Variants in ATP10B observed in about 807,000 individuals in gnomAD.
ATP10B encodes phospholipid-transporting ATPase VB.
In ATP10B, 122 loss-of-function variants were observed where a neutral mutation model predicts 141.2. The ratio of observed to expected loss-of-function variants is 0.86; its 90% CI spans 0.75 to 1.00. The LOEUF (loss-of-function observed/expected upper bound fraction) is 1.00, where lower values mean the gene tolerates loss of function less well. Among genes scored for constraint, ATP10B ranks in the 50% least tolerant of loss-of-function variants. The pLI is 0.00. For missense variants in ATP10B, 1,876 were observed against 1,825.3 expected, an observed-to-expected ratio of 1.03 and a Z score of -0.51; for synonymous variants, 685 against 692.0, an observed-to-expected ratio of 0.99 and a Z score of 0.16.
intron 3 of ATP10B, among the ~76,000 whole-genome samples, chr5:160,706,000 T>C (rs1256411672): frequency 1.3e-5 from 2 of 152,156 alleles, no homozygotes; most frequent in Non-Finnish European, 2.9e-5. Flanking sequence ...TCTCAGGGAA[T>C]AAGGAGGCCC....
chr5:160,809,944 T>A (rs1410668114), intron 1 of ATP10B, among the ~76,000 whole-genome samples: 1 of 152,194 alleles, frequency 6.6e-6, no homozygotes, highest in Non-Finnish European at 1.5e-5. Context: ...TTTTCTTGAA[T>A]CAAATGTGAT....
At chr5:160,830,229 T>C (rs1212187319) in intron 1 of ATP10B, among the ~76,000 whole-genome samples, 1 of 152,180 alleles carries the variant, frequency 6.6e-6, no homozygotes. Context: ...GTTTATGTGG[T>C]GAATCATATT....
At position 160,670,577 on chromosome 5, in the gene ATP10B, G is replaced by A; in HGVS notation, c.561C>T (p.Asp187=). 1.9e-6 allele frequency: 3 copies of A among 1,613,976 alleles called. No individual in the cohort carries two copies. In the African/African-American group the frequency reaches 4.0e-5, roughly 22 times the overall value. ...GGTCAGAGGAAAAAAGGAGGAGTAT[G>A]TCTGCTGGGACAATCTCATTGCATT... is the stretch of plus-strand genomic sequence containing the variant. The part of the protein sequence containing the change: ...QMKCNEIVPA[D]ILLLFSSDPN... The change falls in exon 7 of 26, where the codon GAC becomes GAT. Residue 187 remains aspartate, a synonymous_variant. Coordinates refer to ENST00000327245, the MANE Select transcript of ATP10B (RefSeq NM_025153.3).
chr5:160,591,249 C>A, intron 22 of ATP10B, 110 bp from the exon 23 acceptor site: 1 of 780,884 alleles, frequency 1.3e-6, no homozygotes, highest in South Asian at 1.8e-5. Flanking sequence ...CATACAATGC[C>A]TCTTGTATTT....
At chr5:160,692,076 ATCT>A (rs975193103) in intron 3 of ATP10B, among the ~76,000 whole-genome samples, 5 of 152,214 alleles carry the variant, frequency 3.3e-5, no homozygotes, top group African/African-American at 4.8e-5. Flanking sequence ...AGGTGGTAAG[ATCT>A]TCTTAAATGA....
At position 160,636,214 on chromosome 5, in the gene ATP10B, A is replaced by T. The variant is rs1759356375; in HGVS notation, c.1096T>A (p.Tyr366Asn). 1.2e-6 allele frequency: 2 copies of T among 1,613,204 alleles called. No individual in the cohort carries two copies. The highest frequency in any genetic ancestry group is 2.2e-5 in the South Asian group (2 of 90,842). The change falls in exon 11 of 26, where the codon TAC becomes AAC. Residue 366 changes from tyrosine to asparagine, a missense_variant. Transcript: ENST00000327245. ...AGGATGATCATTGTGAGGAACATGT[A>T]GAAGCCCCCAAGGGCACTGGGAAGG... is the stretch of plus-strand genomic sequence containing the variant. ...SFLPSALGGF[Y>N]MFLTMIILLQ...
chr5:160,655,535 G>A (rs1450578432), intron 7 of ATP10B, among the ~76,000 whole-genome samples: 5 of 152,124 alleles, frequency 3.3e-5, no homozygotes, highest in Non-Finnish European at 4.4e-5. Flanking sequence ...TAATGGAGAG[G>A]GTGATATTAG....
chr5:160,622,737 C>T (rs1161263375), intron 13 of ATP10B, 152 bp from the exon 14 acceptor site: 2 of 678,206 alleles, frequency 2.9e-6, no homozygotes, highest in African/African-American at 3.6e-5. Flanking sequence ...ATTGCCAATT[C>T]TTATTTGAGT....
intron 14 of ATP10B, 100 bp from the exon 15 acceptor site, chr5:160,621,050 GC>G: frequency 7.1e-7 from 1 of 1,406,754 alleles, no homozygotes; most frequent in Non-Finnish European, 9.6e-7. Flanking sequence ...AATAAGTGAA[GC>G]CAGATATTTT....
At position 160,762,913 on chromosome 5, in the gene ATP10B, ATTCTT is replaced by A. The variant is rs541247244; in HGVS notation, c.-331+22641_-331+22645del. Among the ~76,000 whole-genome samples the A allele has an allele frequency of 3.1e-3, 468 of 149,578 alleles. 2 individuals carry two copies. The highest frequency in any genetic ancestry group is 0.011 in the African/African-American group (444 of 41,438). On this transcript the variant is annotated intron_variant, in intron 2 of 25. Transcript: ENST00000327245. ...ACACCAAAAGCAAGTAGGAATAGCT[ATTCTT>A]ATATCAGATAAAACAGACATCAAAG...
At chr5:160,652,280 G>A (rs938308199) in intron 7 of ATP10B, among the ~76,000 whole-genome samples, 1 of 151,974 alleles carries the variant, frequency 6.6e-6, no homozygotes. Flanking sequence ...AAGAGGGGCT[G>A]TGGAGAGGGG....
chr5:160,751,999 G>A (rs1282708737), intron 2 of ATP10B, among the ~76,000 whole-genome samples: 1 of 152,130 alleles, frequency 6.6e-6, no homozygotes, highest in African/African-American at 2.4e-5. Context: ...TTGGCTATAT[G>A]TGTAGGAGTT....
At chr5:160,759,298 T>A (rs534759244) in intron 2 of ATP10B, among the ~76,000 whole-genome samples, 1 of 152,306 alleles carries the variant, frequency 6.6e-6, no homozygotes, top group South Asian at 2.1e-4. Flanking sequence ...TAGATTATAA[T>A]TTTTTCAAAG....
chr5:160,839,128 C>A (rs959141000), intron 1 of ATP10B, among the ~76,000 whole-genome samples: 1 of 152,192 alleles, frequency 6.6e-6, no homozygotes, highest in South Asian at 2.1e-4. Context: ...TTATAGATTA[C>A]CTAGTCTCAG....
chr5:160,873,700 G>A, the ATP10B span, among the ~76,000 whole-genome samples: 1 of 152,218 alleles, frequency 6.6e-6, no homozygotes, highest in Non-Finnish European at 1.5e-5. Context: ...GCCAAAGCAG[G>A]GCGAGGCACT....
Position 160,790,883 on chromosome 5 carries a change from C to T in ATP10B, c.-575-5080G>A, listed in dbSNP as rs762191711. 2.0e-5 allele frequency among the ~76,000 whole-genome samples: 3 copies of T among 152,050 alleles called. No individual in the cohort carries two copies. The East Asian group carries it at 5.8e-4, about 29-fold the overall frequency. ...GTTGGCCCAGTGTAATCACATGAGT[C>T]CTTTAAGGTGAAAGAGGCAGGCAGA... On this transcript the variant is annotated intron_variant, in intron 1 of 25. Transcript: ENST00000327245.
Position 160,647,664 on chromosome 5 carries a change from C to T in ATP10B, c.761+1507G>A, listed in dbSNP as rs72818513. On this transcript the variant is annotated intron_variant, in intron 8 of 25. Transcript: ENST00000327245. ...AGAGGATATGGAGAGTGACTCAAGG[C>T]GTGAGGGATTTGGGATGAATCAAGT... Among the ~76,000 whole-genome samples the T allele has an allele frequency of 5.1e-3, 769 of 152,226 alleles. 4 individuals are homozygous for T. The highest frequency in any genetic ancestry group is 5.9e-3 in the Non-Finnish European group (404 of 68,002).
intron 1 of ATP10B, among the ~76,000 whole-genome samples, chr5:160,817,155 C>A (rs928742260): frequency 3.3e-5 from 5 of 152,094 alleles, no homozygotes; most frequent in Non-Finnish European, 5.9e-5. Context: ...CTGGCCAGGG[C>A]AATCAGGCAG....
chr5:160,924,929 A>C, the ATP10B span, among the ~76,000 whole-genome samples: 1 of 152,206 alleles, frequency 6.6e-6, no homozygotes, highest in African/African-American at 2.4e-5. Flanking sequence ...TTGCCTGCCC[A>C]CAGAGAGAAT....
Sources: allele counts gnomAD v4.1 joint callset (sites outside exome capture counted in the v4.1 genomes callset), GRCh38; gene constraint gnomAD v4.1.1; transcripts MANE v1.5; gene names NCBI Gene and HGNC (gene_info 2026-07-23, HGNC 2026-07-21).